PRH1: variants seen among roughly 807,000 people sequenced by gnomAD.
PRH1 encodes salivary acidic proline-rich phosphoprotein 1/2.
In PRH1, 7 loss-of-function variants were observed where a neutral mutation model predicts 7.9. The observed-to-expected ratio is 0.89, with a 90% CI of 0.50 to 1.67. The LOEUF (loss-of-function observed/expected upper bound fraction) is 1.67, where lower values mean the gene tolerates loss of function less well. Ranked by LOEUF, PRH1 falls within the 40% of genes most tolerant of loss-of-function variation. The pLI is 0.00. For synonymous variants in PRH1, 45 were observed against 80.8 expected, an observed-to-expected ratio of 0.56 and a Z score of 2.38; for missense variants, 109 against 223.6, an observed-to-expected ratio of 0.49 and a Z score of 3.27.
intron 1 of PRH1, among the ~76,000 whole-genome samples, chr12:11,110,671 A>G (rs1945563841): frequency 6.6e-6 from 1 of 152,238 alleles, no homozygotes; most frequent in South Asian, 2.1e-4. Context: ...TGTGGAAAGG[A>G]AAAACCAGTA....
chr12:10,892,604 A>C lies in PRH1; in HGVS notation c.-58-8329T>G, dbSNP rs558484803. 7.2e-5 allele frequency among the ~76,000 whole-genome samples: 11 copies of C among 152,284 alleles called. No individual in the cohort carries two copies. In the South Asian group the frequency reaches 1.7e-3, roughly 23 times the overall value. On this transcript the variant is annotated intron_variant, in intron 2 of 3. Coordinates refer to the PRH1 transcript ENST00000539853. ...ACTTAGCAAAATTGCTAAAATCATT[A>C]TCAGAATATCCCATATCATGATAGG...
rs201819808 is a variant in PRH1, at chr12:11,092,145, G to A, written n.124-44957C>T. On this transcript the variant is annotated intron_variant and non_coding_transcript_variant, in intron 1 of 4. Coordinates refer to the PRH1 transcript ENST00000541977. The stretch of plus-strand genomic sequence containing the variant: ...TTGAACCACTCAATGGAATTTACCA[G>A]TGCTATGAAGCCATTAGCAAAATTT... 252,025 of 716,618 alleles carry A rather than the reference G, an allele frequency of 0.35. 70,161 individuals are homozygous for A. The highest frequency in any genetic ancestry group is 0.41 in the Admixed American group (11,283 of 27,616). 44.4% of individuals were successfully genotyped at this position (716,618 alleles called of 1,614,324 possible).
chr12:10,916,915 A>G (rs563894794), intron 2 of PRH1, among the ~76,000 whole-genome samples: 1 of 147,462 alleles, frequency 6.8e-6, no homozygotes, highest in South Asian at 2.2e-4. Context: ...AAAATAAAAT[A>G]AAATAAAAAA....
At chr12:11,061,734 G>C in intron 1 of PRH1, 1 of 1,614,144 alleles carries the variant, frequency 6.2e-7, no homozygotes, top group African/African-American at 1.3e-5. Flanking sequence ...TCAGAGTGAA[G>C]GGAACTAAGT....
At chr12:10,985,041 T>C (rs922736971) in intron 1 of PRH1, among the ~76,000 whole-genome samples, 4 of 151,330 alleles carry the variant, frequency 2.6e-5, no homozygotes, top group Middle Eastern at 3.4e-3. Flanking sequence ...ATAGAGGAGA[T>C]CATTGGCAAT....
At chr12:11,152,513 TTTTTG>T (rs1397717667) in intron 1 of PRH1, among the ~76,000 whole-genome samples, 2 of 152,154 alleles carry the variant, frequency 1.3e-5, no homozygotes, top group Non-Finnish European at 2.9e-5. Flanking sequence ...GATCAATTTA[TTTTTG>T]TTTTATCACT....
chr12:11,050,451 C>A (rs570178271), upstream of PRH1, among the ~76,000 whole-genome samples: 3 of 152,262 alleles, frequency 2.0e-5, no homozygotes, highest in African/African-American at 7.2e-5. Flanking sequence ...GTTCCTTGCT[C>A]TCATTCTGGT....
intron 1 of PRH1, among the ~76,000 whole-genome samples, chr12:11,124,029 T>C (rs1273035828): frequency 9.0e-6 from 1 of 111,352 alleles, no homozygotes; most frequent in Non-Finnish European, 2.1e-5. Flanking sequence ...TTTCCAACAC[T>C]TTGGTCAGAG....
At chr12:11,082,063 C>T (rs1487361708) in intron 1 of PRH1, among the ~76,000 whole-genome samples, 1 of 116,490 alleles carries the variant, frequency 8.6e-6, no homozygotes, top group Non-Finnish European at 2.0e-5. Flanking sequence ...TTGAACTTTG[C>T]TGTTTACTAA....
chr12:11,127,950 C>T (rs1946190629), intron 1 of PRH1, among the ~76,000 whole-genome samples: 2 of 151,848 alleles, frequency 1.3e-5, no homozygotes, highest in South Asian at 4.2e-4. Flanking sequence ...ACTAAAAATA[C>T]AAAACCAAAG....
chr12:11,088,130 C>T (rs1167784956), intron 1 of PRH1, among the ~76,000 whole-genome samples: 7 of 129,816 alleles, frequency 5.4e-5, no homozygotes, highest in African/African-American at 1.9e-4. Flanking sequence ...CATTTGAGCC[C>T]AGGAGTTTGA....
chr12:11,129,537 C>T (rs1946261816), intron 1 of PRH1, among the ~76,000 whole-genome samples: 1 of 152,302 alleles, frequency 6.6e-6, no homozygotes, highest in South Asian at 2.1e-4. Context: ...TTCTATAACC[C>T]GATTCACTTA....
In PRH1 at chr12:11,076,867, T is replaced by G. The variant is rs539076248; in HGVS notation, n.124-29679A>C. ...TAAGAATTCCTAATGAAATAAAACC[T>G]ACCCCAAAGATACATTCTCATCATT... On this transcript the variant is annotated intron_variant and non_coding_transcript_variant, in intron 1 of 4. Transcript: ENST00000541977. The G allele has an allele frequency of 1.8e-4, 21 of 115,236 alleles. 6 individuals carry two copies. The highest frequency in any genetic ancestry group is 7.0e-4 in the South Asian group (3 of 4,262). 7.1% of individuals were successfully genotyped at this position (115,236 alleles called of 1,614,324 possible).
chr12:10,955,569 A>G (rs1490596962), intron 2 of PRH1, among the ~76,000 whole-genome samples: 1 of 152,186 alleles, frequency 6.6e-6, no homozygotes, highest in South Asian at 2.1e-4. Flanking sequence ...AAGACAATAA[A>G]TAACCAAAAT....
At chr12:11,066,432 T>G (rs1032738966) in intron 1 of PRH1, among the ~76,000 whole-genome samples, 7 of 152,024 alleles carry the variant, frequency 4.6e-5, no homozygotes, top group Non-Finnish European at 7.4e-5. Context: ...AAGATTAGTT[T>G]AAGCTCATCT....
intron 1 of PRH1, among the ~76,000 whole-genome samples, chr12:11,083,243 A>T (rs1300061502): frequency 5.8e-5 from 1 of 17,238 alleles, no homozygotes; most frequent in African/African-American, 7.8e-5. Flanking sequence ...TGGAAAGAAG[A>T]AAAAAGGTGT....
At chr12:11,153,079 T>C (rs774258359) in intron 1 of PRH1, among the ~76,000 whole-genome samples, 4 of 152,206 alleles carry the variant, frequency 2.6e-5, no homozygotes, top group East Asian at 1.9e-4. Flanking sequence ...TTATTGTCCA[T>C]AGATGATCAC....
chr12:11,133,393 CTT>C lies in PRH1; in HGVS notation n.40-12215_40-12214del, dbSNP rs745352984. The C allele has an allele frequency of 3.1e-6, 5 of 1,613,844 alleles. No individual in the cohort carries two copies. In the African/African-American group the frequency reaches 6.7e-5, roughly 22 times the overall value. ...CTGAAAGAAAAATCTGCTTTAGCTT[CTT>C]GTTTCCCAAAATCAGGATGAATGGG... On this transcript the variant is annotated intron_variant and non_coding_transcript_variant, in intron 1 of 1. Transcript: ENST00000541175.
At chr12:11,095,812 AAAT>A (rs1231452579) in intron 1 of PRH1, among the ~76,000 whole-genome samples, 1 of 115,090 alleles carries the variant, frequency 8.7e-6, no homozygotes, top group African/African-American at 2.9e-5. Context: ...CTACCAACAA[AAAT>A]AATAATAATA....
Sources: allele counts gnomAD v4.1 joint callset (sites outside exome capture counted in the v4.1 genomes callset), GRCh38; gene constraint gnomAD v4.1.1; transcripts MANE v1.5; gene names NCBI Gene and HGNC (gene_info 2026-07-23, HGNC 2026-07-21).